The following PROM2 variants were observed in gnomAD, a reference collection of about 807,000 sequenced individuals.
The protein encoded by PROM2 is prominin-2.
Under a neutral mutation model 110.2 loss-of-function variants are expected in PROM2, and 90 were observed. The ratio of observed to expected loss-of-function variants is 0.82; its 90% CI spans 0.69 to 0.97. The LOEUF (loss-of-function observed/expected upper bound fraction) is 0.97, where lower values mean the gene tolerates loss of function less well. PROM2 is among the 50% of genes least tolerant of loss of function. PROM2 has a pLI of 0.00. For missense variants in PROM2, 1,009 were observed against 1,074.8 expected, an observed-to-expected ratio of 0.94 and a Z score of 0.86; for synonymous variants, 470 against 467.8, an observed-to-expected ratio of 1.00 and a Z score of -0.06.
At chr2:95,286,370 T>C in intron 16 of PROM2, 109 bp from the exon 17 acceptor site, 1 of 913,090 alleles carries the variant, frequency 1.1e-6, no homozygotes. Flanking sequence ...CTCAGTTTTC[T>C]GCCTCTGAGC....
intron 10 of PROM2, 71 bp from the exon 11 acceptor site, chr2:95,279,774 C>T (rs1322184890): frequency 5.4e-6 from 7 of 1,300,428 alleles, no homozygotes; most frequent in Admixed American, 6.0e-5. Context: ...CCGGTCGCCA[C>T]GTCCCGCACC....
chr2:95,283,258 G>A (rs981479215), intron 14 of PROM2, among the ~76,000 whole-genome samples: 1 of 152,228 alleles, frequency 6.6e-6, no homozygotes, highest in Admixed American at 6.5e-5. Context: ...TGGCTCTCGA[G>A]GGGAGGAGTC....
chr2:95,283,857 A>G (rs1442558640), intron 14 of PROM2, among the ~76,000 whole-genome samples: 1 of 152,184 alleles, frequency 6.6e-6, no homozygotes, highest in African/African-American at 2.4e-5. Context: ...TGACCCTCCG[A>G]GTTAGATGCT....
intron 12 of PROM2, among the ~76,000 whole-genome samples, chr2:95,281,702 A>C (rs1677058107): frequency 6.6e-6 from 1 of 152,042 alleles, no homozygotes; most frequent in South Asian, 2.1e-4. Context: ...TCTGCAGAAG[A>C]TCGGGCTGGG....
At chr2:95,284,818 C>A (rs1485389870) in intron 14 of PROM2, 151 bp from the exon 15 acceptor site, 15 of 919,390 alleles carry the variant, frequency 1.6e-5, no homozygotes, top group Non-Finnish European at 2.4e-5. Context: ...CCACCTTCAC[C>A]CCCAACACCG....
In PROM2 at chr2:95,279,120, AG is replaced by A. The variant is rs772705082; in HGVS notation, c.1252del (p.Val418CysfsTer112). 1 of 1,306,538 alleles carries A rather than the reference AG, an allele frequency of 7.7e-7. No homozygotes were observed. The highest frequency in any genetic ancestry group is 1.0e-6 in the Non-Finnish European group (1 of 1,001,604). 80.9% of individuals were successfully genotyped at this position (1,306,538 alleles called of 1,614,324 possible). On this transcript the variant is annotated frameshift_variant, in exon 10 of 24. Transcript: ENST00000317620. LOFTEE classifies it high-confidence loss of function. ...GAGAGCAGCCGCCCCTACCTGCAGG[AG>A]GTGCAGAGATACGAGACCTACAGGT... ...VEESSRPYLQ[E>X]VQRYETYRWI...
chr2:95,284,913 C>G, intron 14 of PROM2, 56 bp from the exon 15 acceptor site: 2 of 1,561,732 alleles, frequency 1.3e-6, no homozygotes, highest in Non-Finnish European at 1.7e-6. Context: ...GGGAGCATCT[C>G]TGGGGTCCTG....
rs1198167510 is a variant in PROM2, at chr2:95,284,986, G to A, written c.1746G>A (p.Arg582=). 2.5e-6 allele frequency: 4 copies of A among 1,609,754 alleles called. No homozygotes were observed. In the African/African-American group the frequency reaches 5.3e-5, roughly 22 times the overall value. The change falls in exon 15 of 24, where the codon CGG becomes CGA. Residue 582 remains arginine, a synonymous_variant. Coordinates refer to ENST00000317620, the MANE Select transcript of PROM2 (RefSeq NM_001165978.3). ...TCTCCCAGTATACCAACAAGCTACG[G>A]CAGGAGTTGCAGAGCCTGAAAGTAG... ...LDINQYTNKL[R]QELQSLKVDT...
intron 16 of PROM2, among the ~76,000 whole-genome samples, chr2:95,285,981 C>T (rs1320197684): frequency 6.6e-6 from 1 of 152,216 alleles, no homozygotes; most frequent in African/African-American, 2.4e-5. Flanking sequence ...TCCTCCATCT[C>T]AGAGCAGATG....
Position 95,277,433 on chromosome 2 carries a change from A to G in PROM2, c.842A>G (p.Gln281Arg). The change falls in exon 7 of 24, where the codon CAG (glutamine) becomes CGG (arginine). Residue 281 changes from glutamine (Q) to arginine (R), a missense_variant. Transcript: ENST00000317620. ...ATVVELQAGQ[Q>R]DLEPAIREHR... Reference sequence around the variant, plus strand: ...GTGGTAGAGCTGCAGGCCGGGCAGCAGGACCTGGAGCCAGCCATCCGGGAA... The same window carrying G: ...GTGGTAGAGCTGCAGGCCGGGCAGCGGGACCTGGAGCCAGCCATCCGGGAA... 6.2e-7 allele frequency: 1 copy of G among 1,612,782 alleles called. No individual in the cohort carries two copies. The highest frequency in any genetic ancestry group is 8.5e-7 in the Non-Finnish European group (1 of 1,179,436).
chr2:95,281,476 G>A, intron 12 of PROM2, 111 bp downstream of exon 12: 1 of 1,273,134 alleles, frequency 7.9e-7, no homozygotes, highest in Non-Finnish European at 1.1e-6. Flanking sequence ...GGGAGAGAGG[G>A]AGGGGAGGAG....
At chr2:95,285,851 G>C in intron 16 of PROM2, 141 bp downstream of exon 16, 5 of 754,536 alleles carry the variant, frequency 6.6e-6, no homozygotes, top group Non-Finnish European at 6.5e-6. Context: ...ACCCCTGGCT[G>C]GGCTGGAGGG....
rs1676751870 is a variant in PROM2, at chr2:95,277,577, A to C, written c.975+11A>C. The C allele has an allele frequency of 1.3e-6, 2 of 1,538,744 alleles. No individual in the cohort carries two copies. The highest frequency in any genetic ancestry group is 1.7e-6 in the Non-Finnish European group (2 of 1,145,530). On this transcript the variant is annotated intron_variant, in intron 7 of 23. Transcript: ENST00000317620. ...GCTGACTTCAGCCAGGTGCAGACCC[A>C]GGACAGAGTCCTCTTAAAGCCACGG...
In PROM2 at chr2:95,279,441, C is replaced by T. The variant is rs12620892; in HGVS notation, c.1274+297C>T. On this transcript the variant is annotated intron_variant, in intron 10 of 23. Transcript: ENST00000317620. ...CCTCCCAAGTAGCTGGGACTACAGGCGTGCGCCACCACGCCCAGCTAATTT... is the reference window on the plus strand; with the variant it reads ...CCTCCCAAGTAGCTGGGACTACAGGTGTGCGCCACCACGCCCAGCTAATTT... Among the ~76,000 whole-genome samples the T allele has an allele frequency of 0.16, 24,640 of 151,806 alleles. 2,393 individuals carry two copies. Among genetic ancestry groups the T allele is most frequent in the Admixed American group, 0.29 (4,435 of 15,256 alleles).
chr2:95,283,763 A>G (rs1677179798), intron 14 of PROM2, among the ~76,000 whole-genome samples: 3 of 148,808 alleles, frequency 2.0e-5, no homozygotes, highest in Admixed American at 1.3e-4. Flanking sequence ...TCTTTCCTGA[A>G]AATACAGTTT....
At position 95,276,020 on chromosome 2, in the gene PROM2, T is replaced by TGCTGCC. The variant is rs749950553; in HGVS notation, c.392_397dup (p.Arg131_Cys132dup). 6.2e-7 allele frequency: 1 copy of TGCTGCC among 1,611,538 alleles called. No homozygotes were observed. The highest frequency in any genetic ancestry group is 1.7e-5 in the Admixed American group (1 of 60,006). On this transcript the variant is annotated inframe_insertion, in exon 3 of 24. Coordinates refer to ENST00000317620, the MANE Select transcript of PROM2 (RefSeq NM_001165978.3). This position sits in a 1 kb window ranked among gnomAD's most constrained non-coding sequence, Gnocchi z 4.6. ...GCCCACTGCCGGGCTTTGCTTCTGC[T>TGCTGCC]GCTGCCGCTGCCACCGGCGCTGCGG...
chr2:95,286,922 A>G (rs1573462542), intron 18 of PROM2, 65 bp downstream of exon 18: 2 of 1,547,442 alleles, frequency 1.3e-6, no homozygotes, highest in Non-Finnish European at 1.8e-6. Flanking sequence ...AGGAAGTAGG[A>G]GCCCATCTCA....
chr2:95,284,482 C>T (rs1415130127), intron 14 of PROM2, among the ~76,000 whole-genome samples: 2 of 151,960 alleles, frequency 1.3e-5, no homozygotes, highest in Admixed American at 6.6e-5. Flanking sequence ...CAGAGCAAGA[C>T]CCTGTCCGCT....
intron 13 of PROM2, 40 bp from the exon 14 acceptor site, chr2:95,282,102 C>T: frequency 6.2e-7 from 1 of 1,607,784 alleles, no homozygotes; most frequent in African/African-American, 1.3e-5. Flanking sequence ...CCCCCCGCCA[C>T]CCCCAAGGCT....
Sources: gnomAD v4.1 joint callset for allele counts (sites outside exome capture counted in the v4.1 genomes callset) on GRCh38, gnomAD v4.1.1 for gene constraint, Gnocchi (gnomAD v3.1) non-coding constraint, MANE v1.5 for transcripts, NCBI Gene and HGNC (gene_info 2026-07-23, HGNC 2026-07-21) for gene names.